The following ZNF730 variants were observed in gnomAD, a reference collection of about 807,000 sequenced individuals.
ZNF730 encodes putative zinc finger protein 730.
In ZNF730, 12 loss-of-function variants were observed where a neutral mutation model predicts 12.6. The ratio of observed to expected loss-of-function variants is 0.95; its 90% CI spans 0.61 to 1.54. The LOEUF (loss-of-function observed/expected upper bound fraction) is 1.54, where lower values mean the gene tolerates loss of function less well. ZNF730 is among the 40% of genes most tolerant of loss of function. The probability of loss-of-function intolerance (pLI) is 0.00; values close to 1 mark genes in which losing one functional copy is unlikely to be tolerated. For missense variants in ZNF730, 643 were observed against 583.5 expected (o/e 1.10, Z -1.05); for synonymous variants, 194 against 195.8 (o/e 0.99, Z 0.08).
chr19:23,145,558 C>T lies in ZNF730; in HGVS notation c.514C>T (p.Pro172Ser). The change falls in exon 4 of 4, where the codon CCT (proline) becomes TCT (serine). Residue 172 changes from proline to serine, a missense_variant. Coordinates refer to ENST00000597761, the MANE Select transcript of ZNF730 (RefSeq NM_001277403.2). ...TAAGATAAGACATACTTCGAAGAAACCTTTCAAATGTAAAGAATGTGGAAA... is the reference window on the plus strand; with the variant it reads ...TAAGATAAGACATACTTCGAAGAAATCTTTCAAATGTAAAGAATGTGGAAA... ...RHKIRHTSKKPFKCKECGKLF... is the reference protein window; with the variant it reads ...RHKIRHTSKKSFKCKECGKLF... 1.3e-6 allele frequency: 2 copies of T among 1,550,192 alleles called. No individual in the cohort carries two copies. Among genetic ancestry groups the T allele is most frequent in the Non-Finnish European group, 1.7e-6 (2 of 1,148,590 alleles).
chr19:23,078,908 G>C (rs565274236), intron 1 of ZNF730, among the ~76,000 whole-genome samples: 14 of 152,114 alleles, frequency 9.2e-5, no homozygotes, highest in African/African-American at 3.4e-4. Flanking sequence ...GGGTTCAAGC[G>C]ATTCTCCTGC....
chr19:23,110,301 A>G (rs1970447296), intron 1 of ZNF730, among the ~76,000 whole-genome samples: 1 of 120,586 alleles, frequency 8.3e-6, no homozygotes. Context: ...TTTAAGACGG[A>G]GTTTCACTTT....
At chr19:23,136,315 C>T (rs975123489) in intron 3 of ZNF730, among the ~76,000 whole-genome samples, 2 of 152,162 alleles carry the variant, frequency 1.3e-5, no homozygotes, top group African/African-American at 2.4e-5. Context: ...ATATAATAGA[C>T]TGCACAATCT....
upstream of ZNF730, among the ~76,000 whole-genome samples, chr19:23,112,110 CTT>C (rs2145576109): frequency 6.7e-6 from 1 of 148,398 alleles, no homozygotes; most frequent in Admixed American, 6.8e-5. Flanking sequence ...GACATCAAGA[CTT>C]TGAAAGCTGG....
rs542184247 is a variant in ZNF730 at position 23,123,281 on chromosome 19, C to T, written c.3+6105C>T. ...GAGAGCAGCAGACATGAAAAAGAAA[C>T]CTTATAGGCCAGACACGGTGGCTCA... On this transcript the variant is annotated intron_variant, in intron 1 of 3. Transcript: ENST00000597761. 8 of 152,258 alleles carry T rather than the reference C, an allele frequency of 5.3e-5. No individual in the cohort carries two copies. In the South Asian group the frequency reaches 1.7e-3, roughly 32 times the overall value. 9.4% of individuals were successfully genotyped at this position (152,258 alleles called of 1,614,324 possible). A position where few individuals can be genotyped will look rare whatever the true frequency, so the allele number is the denominator to read the frequency against.
At chr19:23,116,435 TCTCA>T (rs1427472286), upstream of ZNF730, among the ~76,000 whole-genome samples, 3 of 151,618 alleles carry the variant, frequency 2.0e-5, no homozygotes, top group African/African-American at 7.3e-5. Context: ...CTTCCTTTCA[TCTCA>T]CTCTGTCACC....
At chr19:23,084,468 G>C (rs532456630) in intron 1 of ZNF730, among the ~76,000 whole-genome samples, 41 of 152,240 alleles carry the variant, frequency 2.7e-4, no homozygotes, top group African/African-American at 9.9e-4. Flanking sequence ...TCTTTAAAAC[G>C]TACAAATAGG....
At chr19:23,116,324 C>CCTTTCTTTCCTTATTTCT (rs1970521079), upstream of ZNF730, among the ~76,000 whole-genome samples, 1 of 24,994 alleles carries the variant, frequency 4.0e-5, no homozygotes, top group Non-Finnish European at 1.2e-4. Flanking sequence ...CTTTTCTTTT[C>CCTTTCTTTCCTTATTTCT]TTTCTTTCTT....
At chr19:23,135,221 T>TTAA (rs1970810521) in intron 2 of ZNF730, among the ~76,000 whole-genome samples, 1 of 38,820 alleles carries the variant, frequency 2.6e-5, no homozygotes, top group African/African-American at 9.0e-5. Flanking sequence ...GAATGATCAA[T>TTAA]AAAAAAAAAA....
intron 1 of ZNF730, among the ~76,000 whole-genome samples, chr19:23,110,051 G>C (rs796447572): frequency 0.012 from 1,380 of 113,126 alleles, no homozygotes; most frequent in Middle Eastern, 0.072. Context: ...ACAGCAACCT[G>C]CACCTCCCAG....
intron 1 of ZNF730, among the ~76,000 whole-genome samples, chr19:23,081,796 T>C (rs377560239): frequency 2.0e-4 from 30 of 152,314 alleles, no homozygotes; most frequent in African/African-American, 5.5e-4. Flanking sequence ...TCTTGTTCTG[T>C]CACCCAGACT....
upstream of ZNF730, among the ~76,000 whole-genome samples, chr19:23,112,978 C>G (rs1194518573): frequency 6.6e-6 from 1 of 152,140 alleles, no homozygotes; most frequent in East Asian, 1.9e-4. Flanking sequence ...AAATGTATCC[C>G]CTATCATAGG....
intron 1 of ZNF730, among the ~76,000 whole-genome samples, chr19:23,108,516 T>G (rs1970422091): frequency 6.8e-6 from 1 of 147,194 alleles, no homozygotes; most frequent in Non-Finnish European, 1.5e-5. Context: ...AAAGACAGCT[T>G]CAAGATGTAC....
At chr19:23,120,805 T>C (rs2145606618) in intron 1 of ZNF730, among the ~76,000 whole-genome samples, 1 of 152,334 alleles carries the variant, frequency 6.6e-6, no homozygotes, top group Admixed American at 6.5e-5. Context: ...TATTGACCTC[T>C]TTCTAACTTT....
intron 1 of ZNF730, chr19:23,127,503 C>T: frequency 1.0e-6 from 1 of 975,428 alleles, no homozygotes; most frequent in Non-Finnish European, 1.7e-6. Context: ...TCAAAATCAG[C>T]TCTTGGTGGT....
chr19:23,117,377 C>A (rs1457833712), intron 1 of ZNF730, among the ~76,000 whole-genome samples: 1 of 152,180 alleles, frequency 6.6e-6, no homozygotes, highest in Non-Finnish European at 1.5e-5. Flanking sequence ...CCTGTCTCTT[C>A]CCTGCACTGT....
Position 23,145,980 on chromosome 19 carries a change from C to T in ZNF730, c.936C>T (p.Tyr312=). 1 of 1,606,806 alleles carries T rather than the reference C, an allele frequency of 6.2e-7. No homozygotes were observed. The highest frequency in any genetic ancestry group is 8.5e-7 in the Non-Finnish European group (1 of 1,177,940). The change falls in exon 4 of 4, where the codon TAC becomes TAT. Residue 312 remains tyrosine (Y), a synonymous_variant. Coordinates refer to ENST00000597761, the MANE Select transcript of ZNF730 (RefSeq NM_001277403.2). ...AAATTCATACTAAAGAGCAACCATA[C>T]AAATGCGAAAAATGTGGCAAAGCTT... ...HKKIHTKEQP[Y]KCEKCGKAFK...
intron 1 of ZNF730, among the ~76,000 whole-genome samples, chr19:23,079,102 G>A (rs567440923): frequency 9.2e-5 from 14 of 152,004 alleles, no homozygotes; most frequent in African/African-American, 2.4e-4. Flanking sequence ...CACTGTACCC[G>A]GCCCTATCTA....
chr19:23,108,833 T>C (rs1338714866), intron 1 of ZNF730, among the ~76,000 whole-genome samples: 1 of 151,344 alleles, frequency 6.6e-6, no homozygotes, highest in East Asian at 1.9e-4. Context: ...CACTGCAACC[T>C]CTGCCTCCCA....
Sources: allele counts gnomAD v4.1 joint callset (sites outside exome capture counted in the v4.1 genomes callset), GRCh38; gene constraint gnomAD v4.1.1; transcripts MANE v1.5; gene names NCBI Gene and HGNC (gene_info 2026-07-23, HGNC 2026-07-21).